ARFIP1: variants seen among roughly 807,000 people sequenced by gnomAD.
ARFIP1 encodes the protein arfaptin-1.
In ARFIP1, 24 loss-of-function variants were observed where a neutral mutation model predicts 42.5. The ratio of observed to expected loss-of-function variants is 0.57; its 90% confidence interval spans 0.41 to 0.80. The LOEUF (loss-of-function observed/expected upper bound fraction) is 0.80, where lower values mean the gene tolerates loss of function less well. Ranked by LOEUF, ARFIP1 falls within the 30% of genes least tolerant of loss-of-function variation. The pLI is 0.00. For missense variants in ARFIP1, 354 were observed against 434.0 expected, an observed-to-expected ratio of 0.82 and a Z score of 1.64; for synonymous variants, 141 against 153.7, an observed-to-expected ratio of 0.92 and a Z score of 0.61.
intron 2 of ARFIP1, among the ~76,000 whole-genome samples, chr4:152,844,438 T>TCAA (rs1252906782): frequency 6.6e-6 from 1 of 152,240 alleles, no homozygotes; most frequent in African/African-American, 2.4e-5. Context: ...ATTTGCTTAT[T>TCAA]CAAAGCCAAT....
At position 152,847,124 on chromosome 4, in the gene ARFIP1, C is replaced by CTTTTTTTTTTTT. The variant is rs771661005; in HGVS notation, c.94-16469_94-16458dup. Among the ~76,000 whole-genome samples, 202 of 40,544 alleles carry CTTTTTTTTTTTT rather than the reference C, an allele frequency of 5.0e-3. 41 individuals carry two copies. The highest frequency in any genetic ancestry group is 9.8e-3 in the South Asian group (8 of 814). The allele number at this position is 40,544 out of a possible 152,430, so 26.6% of individuals were successfully genotyped here. A position where few individuals can be genotyped will look rare whatever the true frequency, so the allele number is the denominator to read the frequency against. On this transcript the variant is annotated intron_variant, in intron 2 of 8. Coordinates refer to ENST00000353617, the MANE Select transcript of ARFIP1 (RefSeq NM_001025595.3). ...GTATGTTAATGTTTTTAGGTTTGTT[C>CTTTTTTTTTTTT]TTTTTTTTTTTTTTTTTTTTTTTTG... is the stretch of plus-strand genomic sequence containing the variant.
chr4:152,816,065 C>T (rs984106174), intron 1 of ARFIP1, among the ~76,000 whole-genome samples: 2 of 152,136 alleles, frequency 1.3e-5, no homozygotes, highest in Non-Finnish European at 2.9e-5. Context: ...TCTTTACATC[C>T]TCAGCTACTG....
At chr4:152,813,298 G>GA (rs1277353401) in intron 1 of ARFIP1, among the ~76,000 whole-genome samples, 1 of 152,144 alleles carries the variant, frequency 6.6e-6, no homozygotes, top group Admixed American at 6.5e-5. Context: ...GTATCCATGG[G>GA]ATGGGGAGTG....
chr4:152,846,119 C>T (rs1305691907), intron 2 of ARFIP1, among the ~76,000 whole-genome samples: 2 of 152,104 alleles, frequency 1.3e-5, no homozygotes, highest in African/African-American at 4.8e-5. Context: ...AACCAAATAC[C>T]ATATATTCTC....
chr4:152,908,026 A>C (rs375955060), intron 8 of ARFIP1, among the ~76,000 whole-genome samples: 4 of 152,326 alleles, frequency 2.6e-5, no homozygotes, highest in African/African-American at 9.6e-5. Flanking sequence ...TATAATATTT[A>C]GTTTTCTTAA....
At chr4:152,787,006 C>T (rs550515324) in intron 1 of ARFIP1, among the ~76,000 whole-genome samples, 9 of 152,298 alleles carry the variant, frequency 5.9e-5, no homozygotes, top group Non-Finnish European at 1.3e-4. Context: ...ACATTTCCCG[C>T]AGTTTGCAAT....
chr4:152,894,795 G>A (rs1044867844), intron 8 of ARFIP1, among the ~76,000 whole-genome samples: 1 of 152,116 alleles, frequency 6.6e-6, no homozygotes, highest in Non-Finnish European at 1.5e-5. Context: ...ACTTAATTTT[G>A]GCTGTGACTG....
intron 2 of ARFIP1, among the ~76,000 whole-genome samples, chr4:152,860,730 T>G (rs1733823318): frequency 6.6e-6 from 1 of 152,224 alleles, no homozygotes; most frequent in Admixed American, 6.5e-5. Flanking sequence ...AATAATAAAT[T>G]AGTCACTAAC....
chr4:152,881,776 T>G (rs190147606), intron 6 of ARFIP1, among the ~76,000 whole-genome samples: 43 of 152,302 alleles, frequency 2.8e-4, no homozygotes, highest in African/African-American at 8.4e-4. Context: ...GGTTTTAGCA[T>G]AATAAGGATA....
intron 8 of ARFIP1, among the ~76,000 whole-genome samples, chr4:152,905,545 G>GTTTTTTCTTTTT (rs1738254442): frequency 6.6e-5 from 2 of 30,378 alleles, no homozygotes; most frequent in African/African-American, 2.5e-4. Flanking sequence ...TGTAAGAATT[G>GTTTTTTCTTTTT]TTTTTTTTTT....
At chr4:152,896,618 G>A (rs1447587036) in intron 8 of ARFIP1, among the ~76,000 whole-genome samples, 1 of 151,952 alleles carries the variant, frequency 6.6e-6, no homozygotes, top group Non-Finnish European at 1.5e-5. Context: ...GAGGGAACAG[G>A]GTGAATGGAA....
intron 2 of ARFIP1, among the ~76,000 whole-genome samples, chr4:152,834,545 A>C (rs1292650632): frequency 2.0e-5 from 3 of 152,244 alleles, no homozygotes; most frequent in African/African-American, 7.2e-5. Flanking sequence ...CACAAATCTG[A>C]AACCCAGCAG....
chr4:152,882,780 C>T lies in ARFIP1; in HGVS notation c.691C>T (p.Leu231Phe). 1 of 1,613,286 alleles carries T rather than the reference C, an allele frequency of 6.2e-7. No individual in the cohort carries two copies. Among genetic ancestry groups the T allele is most frequent in the Non-Finnish European group, 8.5e-7 (1 of 1,179,566 alleles). Residue 231 changes from leucine (L) to phenylalanine (F), a missense_variant, in exon 7 of 9, where the codon CTT (leucine) becomes TTT (phenylalanine). Transcript: ENST00000353617. ...QKLLAKNGET[L>F]LGAINFFIAS... ...ACTGCTGGCTAAAAATGGAGAGACTCTTCTTGGGGCCATTAATTTTTTCAT... is the reference window on the plus strand; with the variant it reads ...ACTGCTGGCTAAAAATGGAGAGACTTTTCTTGGGGCCATTAATTTTTTCAT...
At chr4:152,832,842 A>C (rs1026769192) in intron 2 of ARFIP1, among the ~76,000 whole-genome samples, 1 of 152,330 alleles carries the variant, frequency 6.6e-6, no homozygotes, top group Non-Finnish European at 1.5e-5. Context: ...CTTTCTATAC[A>C]TATGCAAAAA....
At chr4:152,830,731 T>A (rs543630032) in intron 2 of ARFIP1, among the ~76,000 whole-genome samples, 1 of 152,328 alleles carries the variant, frequency 6.6e-6, no homozygotes, top group Admixed American at 6.5e-5. Flanking sequence ...ATTCCTGGCC[T>A]CTTCCTACTA....
At chr4:152,847,329 C>T (rs1489717776) in intron 2 of ARFIP1, among the ~76,000 whole-genome samples, 2 of 151,106 alleles carry the variant, frequency 1.3e-5, no homozygotes, top group African/African-American at 4.8e-5. Context: ...GACAGGGTTT[C>T]GCCATGTTGG....
At chr4:152,783,275 A>C (rs1730610982) in intron 1 of ARFIP1, among the ~76,000 whole-genome samples, 1 of 152,016 alleles carries the variant, frequency 6.6e-6, no homozygotes, top group Non-Finnish European at 1.5e-5. Flanking sequence ...CCACCACTTC[A>C]CTCCAGCCTG....
intron 1 of ARFIP1, among the ~76,000 whole-genome samples, chr4:152,793,532 A>G (rs1448059995): frequency 6.6e-6 from 1 of 152,002 alleles, no homozygotes; most frequent in African/African-American, 2.4e-5. Flanking sequence ...CAAACTCCAT[A>G]TGTACTAAGT....
chr4:152,844,378 A>C (rs1429495176), intron 2 of ARFIP1, among the ~76,000 whole-genome samples: 1 of 152,176 alleles, frequency 6.6e-6, no homozygotes, highest in Non-Finnish European at 1.5e-5. Context: ...TTACAATGAA[A>C]AGTTTTATTA....
Sources: allele counts gnomAD v4.1 joint callset (sites outside exome capture counted in the v4.1 genomes callset), GRCh38; gene constraint gnomAD v4.1.1; transcripts MANE v1.5; gene names NCBI Gene and HGNC (gene_info 2026-07-23, HGNC 2026-07-21).